SKAP1: variants seen among roughly 807,000 people sequenced by gnomAD.
The protein encoded by SKAP1 is src kinase associated phosphoprotein 1, also known as src kinase-associated phosphoprotein 1.
Under a neutral mutation model 58.5 loss-of-function variants are expected in SKAP1, and 44 were observed. That is an observed-to-expected ratio of 0.75 (90% CI 0.59 to 0.97). The LOEUF (loss-of-function observed/expected upper bound fraction) is 0.97, where lower values mean the gene tolerates loss of function less well. SKAP1 is among the 50% of genes least tolerant of loss of function. The probability of loss-of-function intolerance (pLI) is 0.00; values close to 1 mark genes in which losing one functional copy is unlikely to be tolerated. For missense variants in SKAP1, 390 were observed against 435.2 expected (o/e 0.90, Z 0.92); for synonymous variants, 127 against 149.7 (o/e 0.85, Z 1.11).
intron 4 of SKAP1, among the ~76,000 whole-genome samples, chr17:48,306,508 C>T (rs192455622): frequency 2.0e-5 from 3 of 152,290 alleles, no homozygotes; most frequent in East Asian, 3.9e-4. Flanking sequence ...TTTGTCACTG[C>T]TGTCTAATTG....
chr17:48,144,935 T>G (rs2063810361), intron 11 of SKAP1, among the ~76,000 whole-genome samples: 1 of 152,226 alleles, frequency 6.6e-6, no homozygotes, highest in Non-Finnish European at 1.5e-5. Context: ...GGCTTCAGAA[T>G]TATACATGCT....
At chr17:48,173,884 C>T (rs1318750076) in intron 9 of SKAP1, among the ~76,000 whole-genome samples, 1 of 152,180 alleles carries the variant, frequency 6.6e-6, no homozygotes, top group South Asian at 2.1e-4. Flanking sequence ...AACTCGGCCA[C>T]TGACGAGACA....
At chr17:48,307,023 T>C (rs375654982) in intron 4 of SKAP1, among the ~76,000 whole-genome samples, 11 of 152,294 alleles carry the variant, frequency 7.2e-5, no homozygotes, top group Admixed American at 4.6e-4. Context: ...CCCAGACAAG[T>C]ATAATTTTCA....
chr17:48,354,724 G>A (rs1190476603), intron 3 of SKAP1, among the ~76,000 whole-genome samples: 1 of 152,196 alleles, frequency 6.6e-6, no homozygotes, highest in Non-Finnish European at 1.5e-5. Context: ...ATGTGTTGAT[G>A]AGAAGCCAAA....
At chr17:48,389,162 C>T (rs933519250) in intron 2 of SKAP1, among the ~76,000 whole-genome samples, 23 of 152,220 alleles carry the variant, frequency 1.5e-4, no homozygotes, top group Admixed American at 4.6e-4. Flanking sequence ...GTAACAACAA[C>T]AAGGCACCAG....
At chr17:48,338,343 G>A (rs1367982571) in intron 4 of SKAP1, among the ~76,000 whole-genome samples, 1 of 151,948 alleles carries the variant, frequency 6.6e-6, no homozygotes, top group Non-Finnish European at 1.5e-5. Context: ...GTAGAGATGG[G>A]GTTTCATCAT....
At chr17:48,313,361 A>T (rs2066249320) in intron 4 of SKAP1, among the ~76,000 whole-genome samples, 2 of 152,134 alleles carry the variant, frequency 1.3e-5, no homozygotes, top group South Asian at 4.1e-4. Context: ...GTGAAGGCTA[A>T]ATGTGTGAAC....
intron 4 of SKAP1, among the ~76,000 whole-genome samples, chr17:48,287,169 T>TAA (rs1333618976): frequency 6.6e-6 from 1 of 151,990 alleles, no homozygotes; most frequent in African/African-American, 2.4e-5. Flanking sequence ...TTAATTTCTT[T>TAA]ATCAAAGTTA....
Position 48,237,136 on chromosome 17 carries a change from G to A in SKAP1, c.281-47636C>T, listed in dbSNP as rs139353740. Among the ~76,000 whole-genome samples the A allele has an allele frequency of 1.3e-4, 20 of 152,246 alleles. No homozygotes were observed. In the East Asian group the frequency reaches 2.3e-3, roughly 18 times the overall value. On this transcript the variant is annotated intron_variant, in intron 4 of 12. Coordinates refer to ENST00000336915, the MANE Select transcript of SKAP1 (RefSeq NM_003726.4). ...TTACTTGTTGTTAGTTCCACCTTACGTATTACAAGGGTATTTGTTGTGCCC... is the reference window on the plus strand; with the variant it reads ...TTACTTGTTGTTAGTTCCACCTTACATATTACAAGGGTATTTGTTGTGCCC...
chr17:48,430,218 T>A, upstream of SKAP1: 26 of 614,122 alleles, frequency 4.2e-5, no homozygotes, highest in Non-Finnish European at 5.3e-5. Flanking sequence ...CACCTGTACC[T>A]CAGCCGCGGT....
intron 4 of SKAP1, among the ~76,000 whole-genome samples, chr17:48,300,956 G>C (rs1307832797): frequency 6.6e-6 from 1 of 152,086 alleles, no homozygotes; most frequent in Non-Finnish European, 1.5e-5. Flanking sequence ...CTGTTAGCCA[G>C]GACTGATTCT....
the SKAP1 span, among the ~76,000 whole-genome samples, chr17:48,436,647 C>G: frequency 6.6e-6 from 1 of 152,118 alleles, no homozygotes; most frequent in Non-Finnish European, 1.5e-5. Flanking sequence ...TCTTCTCTAT[C>G]CTTAAAAACC....
chr17:48,154,209 C>A (rs1423920058), intron 11 of SKAP1, among the ~76,000 whole-genome samples: 2 of 152,216 alleles, frequency 1.3e-5, no homozygotes, highest in Admixed American at 6.5e-5. Flanking sequence ...CTGCCGCATT[C>A]AGATGACTAG....
At chr17:48,164,799 C>A (rs1417385465) in intron 10 of SKAP1, among the ~76,000 whole-genome samples, 1 of 152,198 alleles carries the variant, frequency 6.6e-6, no homozygotes, top group Non-Finnish European at 1.5e-5. Context: ...AACTTGCTAG[C>A]TAGCTAGAAG....
At chr17:48,301,542 C>A (rs1167067210) in intron 4 of SKAP1, among the ~76,000 whole-genome samples, 1 of 152,078 alleles carries the variant, frequency 6.6e-6, no homozygotes, top group African/African-American at 2.4e-5. Context: ...CTCACTGCAA[C>A]CTCCGTCTCC....
chr17:48,336,472 G>T (rs569353389), intron 4 of SKAP1, among the ~76,000 whole-genome samples: 4 of 152,140 alleles, frequency 2.6e-5, no homozygotes, highest in Non-Finnish European at 5.9e-5. Context: ...TTGGAAAAGT[G>T]AAGACTCTGG....
intron 4 of SKAP1, among the ~76,000 whole-genome samples, chr17:48,234,457 G>A (rs1361253835): frequency 1.3e-5 from 2 of 152,204 alleles, no homozygotes; most frequent in African/African-American, 4.8e-5. Flanking sequence ...TTGGTACAGG[G>A]CTAGACATGG....
chr17:48,169,635 A>G (rs550040755), intron 10 of SKAP1, among the ~76,000 whole-genome samples: 1 of 152,266 alleles, frequency 6.6e-6, no homozygotes, highest in African/African-American at 2.4e-5. Context: ...GAGAAGCTGG[A>G]CCCTTAGGAA....
At chr17:48,395,871 A>G (rs1054244047) in intron 2 of SKAP1, among the ~76,000 whole-genome samples, 1 of 152,222 alleles carries the variant, frequency 6.6e-6, no homozygotes, top group Non-Finnish European at 1.5e-5. Context: ...TGGAGTTTCA[A>G]TGAGGTTTTT....
Sources: gnomAD v4.1 joint callset for allele counts (sites outside exome capture counted in the v4.1 genomes callset) on GRCh38, gnomAD v4.1.1 for gene constraint, MANE v1.5 for transcripts, NCBI Gene and HGNC (gene_info 2026-07-23, HGNC 2026-07-21) for gene names.